Variants in SLC25A39 observed in about 807,000 individuals in gnomAD.
The protein encoded by SLC25A39 is solute carrier family 25 member 39, also known as mitochondrial glutathione transporter SLC25A39.
A neutral mutation model predicts 46.6 loss-of-function variants in SLC25A39; 44 were observed. The ratio of observed to expected loss-of-function variants is 0.94; its 90% confidence interval spans 0.74 to 1.21. The LOEUF is 1.21. Ranked by LOEUF, SLC25A39 falls within the 50% of genes most tolerant of loss-of-function variation. The probability of loss-of-function intolerance (pLI) is 0.00; values close to 1 mark genes in which losing one functional copy is unlikely to be tolerated. For missense variants in SLC25A39, 487 were observed against 473.0 expected, an observed-to-expected ratio of 1.03 and a Z score of -0.28; for synonymous variants, 218 against 190.6, an observed-to-expected ratio of 1.14 and a Z score of -1.19.
chr17:44,323,049 G>A (rs4793091), intron 3 of SLC25A39, among the ~76,000 whole-genome samples, 197 bp from the exon 4 acceptor site: 82,724 of 151,974 alleles, frequency 0.54, 24,539 homozygotes, highest in East Asian at 0.92. Flanking sequence ...CAGCCTCCCA[G>A]GTAGCTGGGA....
chr17:44,320,941 G>A, intron 8 of SLC25A39, 117 bp downstream of exon 8: 1 of 1,275,814 alleles, frequency 7.8e-7, no homozygotes. Flanking sequence ...GAAACCCATG[G>A]CTCAGAAAAG....
At chr17:44,323,439 A>AGCCCCCCC in intron 2 of SLC25A39, 39 bp downstream of exon 2, 22 of 257,036 alleles carry the variant, frequency 8.6e-5, no homozygotes, top group Non-Finnish European at 1.1e-4. Flanking sequence ...GGTCTGCCCC[A>AGCCCCCCC]TCCCCACCCG....
intron 8 of SLC25A39, 94 bp from the exon 9 acceptor site, chr17:44,320,825 T>G: frequency 1.8e-6 from 2 of 1,100,298 alleles, no homozygotes; most frequent in Non-Finnish European, 2.7e-6. Context: ...CTCCCAGCTG[T>G]GAGTCTTGTC....
At chr17:44,323,405 A>C in intron 2 of SLC25A39, 62 bp from the exon 3 acceptor site, 1 of 1,576,202 alleles carries the variant, frequency 6.3e-7, no homozygotes, top group Non-Finnish European at 8.6e-7. Context: ...CTCCTCCCCC[A>C]GGACCACACA....
In SLC25A39 at chr17:44,321,151, C is replaced by G; in HGVS notation, c.598G>C (p.Gly200Arg). 1 of 1,612,892 alleles carries G rather than the reference C, an allele frequency of 6.2e-7. No homozygotes were observed. Among genetic ancestry groups the G allele is most frequent in the Non-Finnish European group, 8.5e-7 (1 of 1,179,904 alleles). Residue 200 changes from glycine (G) to arginine (R), a missense_variant, in exon 8 of 12, where the codon GGT (glycine) becomes CGT (arginine). Physicochemically the swap from Gly to Arg is moderately radical, Grantham distance 125. Transcript: ENST00000377095. ...QAQHVSYREL[G>R]ACVRTAVAQG... ...GCCACTGCAGTTCGAACACAGGCAC[C>G]CAGCTCCCGGTACGACACATGCTGA...
In SLC25A39 at chr17:44,324,796, G is replaced by GCGCT. The variant is rs2048179382; in HGVS notation, c.-105_-102dup. 6.6e-6 allele frequency: 1 copy of GCGCT among 152,032 alleles called. No individual in the cohort carries two copies. The highest frequency in any genetic ancestry group is 1.5e-5 in the Non-Finnish European group (1 of 68,022). 9.4% of individuals were successfully genotyped at this position (152,032 alleles called of 1,614,324 possible). ...TCCGCCGCCTGTGCGCGGTCCGCGC[G>GCGCT]CGCTCGCAGCGCACCTAGGCCGACG... On this transcript the variant is annotated 5_prime_UTR_variant, in exon 1 of 12. Transcript: ENST00000377095.
At chr17:44,323,439 A>AAACCCCCCCCC in intron 2 of SLC25A39, 39 bp downstream of exon 2, 12 of 257,062 alleles carry the variant, frequency 4.7e-5, no homozygotes, top group Non-Finnish European at 6.8e-5. Flanking sequence ...GGTCTGCCCC[A>AAACCCCCCCCC]TCCCCACCCG....
Position 44,320,502 on chromosome 17 carries a change from G to A in SLC25A39, c.802-66C>T, listed in dbSNP as rs932298946. 1.5e-5 allele frequency: 24 copies of A among 1,597,286 alleles called. No individual in the cohort carries two copies. The African/African-American group carries it at 3.0e-4, about 20-fold the overall frequency. Reference sequence around the variant, plus strand: ...GGACCCCCACCCCTACCTCCCAGATGGCTCTTGCGGCTGGGAGGGACAAAG... The same window carrying A: ...GGACCCCCACCCCTACCTCCCAGATAGCTCTTGCGGCTGGGAGGGACAAAG... On this transcript the variant is annotated intron_variant, in intron 9 of 11. Transcript: ENST00000377095.
chr17:44,323,129 G>C (rs1285327968), intron 3 of SLC25A39, among the ~76,000 whole-genome samples, 155 bp downstream of exon 3: 6 of 152,116 alleles, frequency 3.9e-5, no homozygotes, highest in Non-Finnish European at 4.4e-5. Context: ...CACCACGTTG[G>C]CCAGGCTGGC....
Position 44,319,961 on chromosome 17 carries a change from C to T in SLC25A39, c.*40G>A, listed in dbSNP as rs763238917. 33 of 1,582,966 alleles carry T rather than the reference C, an allele frequency of 2.1e-5. No individual in the cohort carries two copies. The highest frequency in any genetic ancestry group is 2.8e-5 in the Non-Finnish European group (32 of 1,152,492). On this transcript the variant is annotated 3_prime_UTR_variant, in exon 12 of 12. Coordinates refer to ENST00000377095, the MANE Select transcript of SLC25A39 (RefSeq NM_001143780.3). Reference sequence around the variant, plus strand: ...GCTGGGTCTCCTCCTGCCCTCTCCCCATCCGTGGGAGAGACGGGGTCCTTG... The same window carrying T: ...GCTGGGTCTCCTCCTGCCCTCTCCCTATCCGTGGGAGAGACGGGGTCCTTG...
rs761436942 is a variant in SLC25A39, at chr17:44,320,446, T to C, written c.802-10A>G. On this transcript the variant is annotated splice_polypyrimidine_tract_variant and intron_variant, in intron 9 of 11. Transcript: ENST00000377095. ...TCAGCACTGCAGCCACCTGGTGGGG[T>C]GGGCGGGGAGAGGGCTCAGCTCCAC... is the stretch of plus-strand genomic sequence containing the variant. The C allele has an allele frequency of 6.2e-7, 1 of 1,613,216 alleles. No homozygotes were observed. The highest frequency in any genetic ancestry group is 2.2e-5 in the East Asian group (1 of 44,878).
chr17:44,323,929 C>G (rs1301234656), intron 1 of SLC25A39: 2 of 263,408 alleles, frequency 7.6e-6, no homozygotes, highest in African/African-American at 4.5e-5. Flanking sequence ...CGTGAGCCAC[C>G]GCACCCGGCC....
intron 5 of SLC25A39, 79 bp downstream of exon 5, chr17:44,322,340 T>TA: frequency 6.4e-7 from 1 of 1,556,610 alleles, no homozygotes; most frequent in South Asian, 1.1e-5. Context: ...CCAATCCCTT[T>TA]ACTCCTGGGT....
chr17:44,323,577 C>T lies in SLC25A39; in HGVS notation c.-15G>A. 1 of 1,559,342 alleles carries T rather than the reference C, an allele frequency of 6.4e-7. No homozygotes were observed. Among genetic ancestry groups the T allele is most frequent in the Non-Finnish European group, 8.7e-7 (1 of 1,151,718 alleles). ...TGGTCAGCCATCTTGAAGCTTCAGT[C>T]CTGAAAACCAAACCTCAAACAGACC... On this transcript the variant is annotated splice_region_variant and 5_prime_UTR_variant, in exon 2 of 12. Transcript: ENST00000377095.
Position 44,321,415 on chromosome 17 carries a change from G to C in SLC25A39, c.517+19C>G, listed in dbSNP as rs752863840. The C allele has an allele frequency of 6.2e-7, 1 of 1,613,788 alleles. No homozygotes were observed. Among genetic ancestry groups the C allele is most frequent in the Non-Finnish European group, 8.5e-7 (1 of 1,179,948 alleles). On this transcript the variant is annotated intron_variant, in intron 7 of 11. Coordinates refer to ENST00000377095, the MANE Select transcript of SLC25A39 (RefSeq NM_001143780.3). ...GAGGTGGGGACAGAGGGAGGTCAAA[G>C]GCCCAAGACTATGCTCACGGCGGGC...
At chr17:44,321,930 C>A (rs1000425732) in intron 5 of SLC25A39, among the ~76,000 whole-genome samples, 163 bp from the exon 6 acceptor site, 2 of 152,156 alleles carry the variant, frequency 1.3e-5, no homozygotes, top group African/African-American at 4.8e-5. Context: ...TGGGTCCAGG[C>A]GGACACCTGG....
At position 44,320,001 on chromosome 17, in the gene SLC25A39, T is replaced by C. The variant is rs759712263; in HGVS notation, c.1080A>G (p.Ter360TrpextTer94). Residue 360 changes from the stop codon to tryptophan, a stop_lost, in exon 12 of 12, where the codon TGA becomes TGG. Coordinates refer to ENST00000377095, the MANE Select transcript of SLC25A39 (RefSeq NM_001143780.3). ...RLNQDRLLGG[*>W] ...CGGGGTCCTTGCCTCCTTGCCCCTT[T>C]CAGCCGCCCAGAAGCCGGTCCTGGT... 1.2e-6 allele frequency: 2 copies of C among 1,613,716 alleles called. No homozygotes were observed. The highest frequency in any genetic ancestry group is 2.7e-5 in the African/African-American group (2 of 74,874).
chr17:44,323,540 C>A lies in SLC25A39; in HGVS notation c.23G>T (p.Gly8Val), dbSNP rs754271365. Residue 8 changes from glycine (G) to valine (V), a missense_variant, in exon 2 of 12, where the codon GGC (glycine) becomes GTC (valine). Transcript: ENST00000377095. Reference sequence around the variant, plus strand: ...CACCATTTGCTGGAGGGGGCTGATGCCCGCAGGGTCCTGGTCAGCCATCTT... The same window carrying A: ...CACCATTTGCTGGAGGGGGCTGATGACCGCAGGGTCCTGGTCAGCCATCTT... The part of the protein sequence containing the change: MADQDPA[G>V]ISPLQQMVAS... 1 of 1,571,336 alleles carries A rather than the reference C, an allele frequency of 6.4e-7. No individual in the cohort carries two copies. Among genetic ancestry groups the A allele is most frequent in the Non-Finnish European group, 8.6e-7 (1 of 1,159,208 alleles).
intron 3 of SLC25A39, among the ~76,000 whole-genome samples, 199 bp downstream of exon 3, chr17:44,323,085 G>C (rs1160163748): frequency 6.6e-6 from 1 of 152,166 alleles, no homozygotes; most frequent in Non-Finnish European, 1.5e-5. Flanking sequence ...ACCAAGCCCG[G>C]CTAATTTTTG....
Sources: gnomAD v4.1 joint callset for allele counts (sites outside exome capture counted in the v4.1 genomes callset) on GRCh38, gnomAD v4.1.1 for gene constraint, MANE v1.5 for transcripts, NCBI Gene and HGNC (gene_info 2026-07-23, HGNC 2026-07-21) for gene names.